Variants in TUNAR observed in about 807,000 individuals in gnomAD.
The protein encoded by TUNAR is transmembrane neural differentiation associated intracellular calcium regulator.
chr14:95,878,552 T>A (rs1337397143), intron 2 of TUNAR, among the ~76,000 whole-genome samples: 1 of 146,806 alleles, frequency 6.8e-6, no homozygotes, highest in Non-Finnish European at 1.5e-5. Context: ...GCTAAATGAT[T>A]CTGAGTGACA....
At chr14:95,912,259 G>A (rs1379299213) in intron 2 of TUNAR, among the ~76,000 whole-genome samples, 3 of 151,992 alleles carry the variant, frequency 2.0e-5, no homozygotes, top group Non-Finnish European at 2.9e-5. Context: ...GCACTATATT[G>A]TACTTTGTAT....
chr14:95,878,856 C>T (rs1358129417), intron 2 of TUNAR, among the ~76,000 whole-genome samples: 1 of 152,262 alleles, frequency 6.6e-6, no homozygotes, highest in Non-Finnish European at 1.5e-5. Context: ...ACATACAATG[C>T]ATTAAGAAGA....
chr14:95,903,006 C>T (rs959681640), intron 2 of TUNAR, among the ~76,000 whole-genome samples: 1 of 152,012 alleles, frequency 6.6e-6, no homozygotes, highest in Admixed American at 6.6e-5. Flanking sequence ...AAATGTGTAC[C>T]AGACATCATG....
At chr14:95,885,712 C>T (rs1474827412) in intron 2 of TUNAR, among the ~76,000 whole-genome samples, 1 of 152,106 alleles carries the variant, frequency 6.6e-6, no homozygotes, top group Non-Finnish European at 1.5e-5. Context: ...CCATGTCTTA[C>T]AGGTGACAGG....
intron 2 of TUNAR, among the ~76,000 whole-genome samples, chr14:95,911,464 T>G (rs1889513362): frequency 6.6e-6 from 1 of 152,228 alleles, no homozygotes; most frequent in South Asian, 2.1e-4. Flanking sequence ...CTTCCATTTG[T>G]ACATGCCCGT....
intron 2 of TUNAR, among the ~76,000 whole-genome samples, chr14:95,888,625 G>T (rs1889116119): frequency 6.6e-6 from 1 of 152,152 alleles, no homozygotes. Flanking sequence ...CCGTGTGGCT[G>T]GGTAGCCATA....
chr14:95,918,192 A>G (rs1370007677), intron 2 of TUNAR, among the ~76,000 whole-genome samples: 1 of 152,250 alleles, frequency 6.6e-6, no homozygotes, highest in Non-Finnish European at 1.5e-5. Flanking sequence ...ACAGGCACAC[A>G]GTGTGAAATA....
chr14:95,909,282 C>CT (rs3044246), intron 2 of TUNAR, among the ~76,000 whole-genome samples: 4,744 of 125,910 alleles, frequency 0.038, 373 homozygotes, highest in African/African-American at 0.12. Flanking sequence ...GCTGCCATCT[C>CT]TTTTTTTTTT....
intron 2 of TUNAR, among the ~76,000 whole-genome samples, chr14:95,907,227 T>C (rs1889441016): frequency 6.6e-6 from 1 of 152,236 alleles, no homozygotes; most frequent in Non-Finnish European, 1.5e-5. Flanking sequence ...GCTTTTCGTA[T>C]TTTTGCATTT....
chr14:95,886,938 C>T lies in TUNAR; in HGVS notation c.12+9761C>T, dbSNP rs118000007. Among the ~76,000 whole-genome samples the T allele has an allele frequency of 4.2e-3, 645 of 152,256 alleles. 19 individuals carry two copies. The East Asian group carries it at 0.08, about 19-fold the overall frequency. The stretch of plus-strand genomic sequence containing the variant: ...CCAGAGCCAGGGGGCTGGGCATGAC[C>T]CCTAGATGTCTGGCCTTTTGTTTGC... On this transcript the variant is annotated intron_variant, in intron 2 of 2. Coordinates refer to ENST00000678517, the Ensembl canonical transcript of TUNAR.
At chr14:95,881,558 A>T (rs74085727) in intron 2 of TUNAR, among the ~76,000 whole-genome samples, 2,813 of 152,340 alleles carry the variant, frequency 0.018, 55 homozygotes, top group East Asian at 0.08. Context: ...AGGTATTCAG[A>T]GGAACACATG....
chr14:95,877,246 T>A (rs1888903200), intron 2 of TUNAR, 69 bp downstream of exon 1: 1 of 152,190 alleles, frequency 6.6e-6, no homozygotes, highest in African/African-American at 2.4e-5. Context: ...TCAGGGCCCC[T>A]GTCCTACCCT....
At chr14:95,902,506 A>C (rs1301196267) in intron 2 of TUNAR, among the ~76,000 whole-genome samples, 1 of 152,236 alleles carries the variant, frequency 6.6e-6, no homozygotes, top group East Asian at 1.9e-4. Flanking sequence ...ATATTCATGA[A>C]ATACAGGCTG....
At chr14:95,878,728 G>A (rs1358002910) in intron 2 of TUNAR, among the ~76,000 whole-genome samples, 2 of 152,208 alleles carry the variant, frequency 1.3e-5, no homozygotes, top group African/African-American at 4.8e-5. Context: ...GTGCTTAATA[G>A]ATTATTTACT....
chr14:95,886,958 G>A (rs1438702650), intron 2 of TUNAR, among the ~76,000 whole-genome samples: 2 of 152,152 alleles, frequency 1.3e-5, no homozygotes, highest in African/African-American at 4.8e-5. Context: ...CTGGCCTTTT[G>A]TTTGCTTCTT....
intron 2 of TUNAR, among the ~76,000 whole-genome samples, chr14:95,918,467 C>T (rs1468595283): frequency 6.6e-6 from 1 of 152,196 alleles, no homozygotes; most frequent in Non-Finnish European, 1.5e-5. Context: ...TCTAACTTCT[C>T]CATTTAAGGA....
At chr14:95,911,821 T>G (rs1225404651) in intron 2 of TUNAR, among the ~76,000 whole-genome samples, 1 of 152,236 alleles carries the variant, frequency 6.6e-6, no homozygotes, top group African/African-American at 2.4e-5. Flanking sequence ...GATTTAGTTC[T>G]GAGACTGGCA....
chr14:95,885,590 G>A (rs767517625), intron 2 of TUNAR, among the ~76,000 whole-genome samples: 15 of 152,120 alleles, frequency 9.9e-5, no homozygotes, highest in Non-Finnish European at 1.5e-4. Context: ...ATTGGGGAGA[G>A]GGTACTGTGT....
At chr14:95,922,838 AATG>A (rs2139675010) in exon 3 of TUNAR, 1 of 399,100 alleles carries the variant, frequency 2.5e-6, no homozygotes, top group Admixed American at 4.4e-5. Flanking sequence ...CACTAGTGAA[AATG>A]ATGAAGACAG....
Sources: gnomAD v4.1 joint callset for allele counts (sites outside exome capture counted in the v4.1 genomes callset) on GRCh38, gnomAD v4.1.1 for gene constraint, MANE v1.5 for transcripts, NCBI Gene and HGNC (gene_info 2026-07-23, HGNC 2026-07-21) for gene names.